The following ATF3 variants were observed in gnomAD, a reference collection of about 807,000 sequenced individuals.
ATF3 encodes cyclic AMP-dependent transcription factor ATF-3.
ATF3 carries 10 observed loss-of-function variants against 18.4 expected under a neutral mutation model. The ratio of observed to expected loss-of-function variants is 0.54; its 90% CI spans 0.34 to 0.92. ATF3 has a LOEUF of 0.92. ATF3 is among the 40% of genes least tolerant of loss of function. ATF3 has a pLI of 0.02. For missense variants in ATF3, 183 were observed against 222.3 expected (o/e 0.82, Z 1.12); for synonymous variants, 78 against 87.9 (o/e 0.89, Z 0.63).
At chr1:212,586,714 C>T (rs1664785453) in intron 1 of ATF3, among the ~76,000 whole-genome samples, 1 of 152,194 alleles carries the variant, frequency 6.6e-6, no homozygotes, top group Non-Finnish European at 1.5e-5. Context: ...AGAAAATAAA[C>T]ATGTGAAGTG....
At chr1:212,566,330 C>A (rs747437872) in intron 1 of ATF3, among the ~76,000 whole-genome samples, 1 of 152,118 alleles carries the variant, frequency 6.6e-6, no homozygotes, top group Non-Finnish European at 1.5e-5. Flanking sequence ...AGAAAGGGCA[C>A]AAGTTTGAGT....
intron 1 of ATF3, among the ~76,000 whole-genome samples, chr1:212,592,594 T>G (rs940345176): frequency 9.9e-5 from 15 of 152,042 alleles, no homozygotes; most frequent in Non-Finnish European, 1.9e-4. Flanking sequence ...CCTGTAGAAT[T>G]TCCCTCATTC....
rs190597842 is a variant in ATF3, at chr1:212,588,427, A to G, written c.-5+22944A>G. Among the ~76,000 whole-genome samples, 610 of 152,312 alleles carry G rather than the reference A, an allele frequency of 4.0e-3. 2 individuals are homozygous for G. Among genetic ancestry groups the G allele is most frequent in the Non-Finnish European group, 6.4e-3 (435 of 68,018 alleles). On this transcript the variant is annotated intron_variant, in intron 1 of 3. Transcript: ENST00000366981. Reference sequence around the variant, plus strand: ...CACCCTAGGGTGTCACCACCGGGACACAAAATTCATTTCACACAAAGAGCT... The same window carrying G: ...CACCCTAGGGTGTCACCACCGGGACGCAAAATTCATTTCACACAAAGAGCT...
Position 212,615,266 on chromosome 1 carries a change from G to T in ATF3, c.240+5G>T. ...GTGTCCATCACAAAAGCCGAGGTGG[G>T]TTCTATCACAGGTATTCATTCTTTC... On this transcript the variant is annotated splice_donor_5th_base_variant and intron_variant, in intron 2 of 3. Coordinates refer to ENST00000341491, the MANE Select transcript of ATF3 (RefSeq NM_001674.4). The T allele has an allele frequency of 6.2e-7, 1 of 1,608,562 alleles. No individual in the cohort carries two copies. Among genetic ancestry groups the T allele is most frequent in the Non-Finnish European group, 8.5e-7 (1 of 1,179,568 alleles).
At chr1:212,577,085 T>C (rs1489748517) in intron 1 of ATF3, among the ~76,000 whole-genome samples, 1 of 152,154 alleles carries the variant, frequency 6.6e-6, no homozygotes, top group Non-Finnish European at 1.5e-5. Flanking sequence ...GTTGGTAAAC[T>C]CTCTTCATCG....
chr1:212,579,373 C>G (rs1390424597), intron 1 of ATF3, among the ~76,000 whole-genome samples: 1 of 152,174 alleles, frequency 6.6e-6, no homozygotes, highest in Non-Finnish European at 1.5e-5. Context: ...CCTTCCCCAT[C>G]ATAAAACTCT....
intron 1 of ATF3, among the ~76,000 whole-genome samples, chr1:212,586,564 C>G (rs1664783499): frequency 6.6e-6 from 1 of 152,160 alleles, no homozygotes; most frequent in Non-Finnish European, 1.5e-5. Flanking sequence ...AATAATATTC[C>G]TGCCCTGAAT....
chr1:212,596,117 G>T (rs1664989550), intron 1 of ATF3, among the ~76,000 whole-genome samples: 2 of 152,122 alleles, frequency 1.3e-5, no homozygotes, highest in Admixed American at 1.3e-4. Flanking sequence ...TTCCTTCAAT[G>T]AATTAATAAA....
intron 1 of ATF3, among the ~76,000 whole-genome samples, chr1:212,599,674 C>T (rs1471494627): frequency 6.6e-6 from 1 of 152,160 alleles, no homozygotes; most frequent in Admixed American, 6.5e-5. Flanking sequence ...TCCCGAAATG[C>T]CCTTATTAGT....
chr1:212,569,115 C>T (rs192172671), intron 1 of ATF3, among the ~76,000 whole-genome samples: 32 of 152,242 alleles, frequency 2.1e-4, no homozygotes, highest in South Asian at 4.1e-4. Flanking sequence ...CCCCTGGCAC[C>T]CTTTTCTTTA....
chr1:212,593,749 A>T (rs1164426121), intron 1 of ATF3, among the ~76,000 whole-genome samples: 3 of 80,272 alleles, frequency 3.7e-5, no homozygotes, highest in South Asian at 5.3e-4. Flanking sequence ...TCTTTAAAAA[A>T]AAAAAAAAAA....
At chr1:212,605,656 C>G (rs1654603702), upstream of ATF3, among the ~76,000 whole-genome samples, 1 of 152,230 alleles carries the variant, frequency 6.6e-6, no homozygotes, top group Non-Finnish European at 1.5e-5. Context: ...GTTTGGCTCC[C>G]TGCAATGTTT....
rs562416501 is a variant in ATF3, at chr1:212,614,611, A to C, written c.-4-407A>C. Among the ~76,000 whole-genome samples the C allele has an allele frequency of 2.0e-5, 3 of 149,854 alleles. No individual in the cohort carries two copies. In the South Asian group the frequency reaches 6.4e-4, roughly 32 times the overall value. On this transcript the variant is annotated intron_variant, in intron 1 of 3. Coordinates refer to ENST00000341491, the MANE Select transcript of ATF3 (RefSeq NM_001674.4). ...TATACAAAAAAAAAAAAAGAGAGAG[A>C]GAGAGAAAGAAAAAGAAGCTGAAAA...
At position 212,578,765 on chromosome 1, in the gene ATF3, C is replaced by T. The variant is rs1051275436; in HGVS notation, c.-5+13282C>T. 3.3e-5 allele frequency among the ~76,000 whole-genome samples: 5 copies of T among 152,110 alleles called. No individual in the cohort carries two copies. The East Asian group carries it at 9.6e-4, about 29-fold the overall frequency. On this transcript the variant is annotated intron_variant, in intron 1 of 3. Transcript: ENST00000366981. ...TGTTTGGTTTTCTGTCTTTTTCTCC[C>T]TCACTCGGTGCTCATCCCTCCTTCT...
intron 1 of ATF3, among the ~76,000 whole-genome samples, chr1:212,593,437 TAA>T (rs538588708): frequency 6.9e-6 from 1 of 144,476 alleles, no homozygotes; most frequent in African/African-American, 2.5e-5. Context: ...ACTTAAAGTA[TAA>T]AAAAAAAAAG....
rs1198668083 is a variant in ATF3 at position 212,619,619 on chromosome 1, T to C, written c.*64T>C. The C allele has an allele frequency of 1.3e-6, 2 of 1,583,968 alleles. No homozygotes were observed. The highest frequency in any genetic ancestry group is 1.7e-6 in the Non-Finnish European group (2 of 1,163,244). On this transcript the variant is annotated 3_prime_UTR_variant, in exon 4 of 4. Transcript: ENST00000341491. This position sits in a 1 kb window ranked among gnomAD's most constrained non-coding sequence, Gnocchi z 4.4. Reference sequence around the variant, plus strand: ...AATCCTCATTTTATACCCAAAACCCTGAAGCCATTGGAGAGCTGTCTTCCT... The same window carrying C: ...AATCCTCATTTTATACCCAAAACCCCGAAGCCATTGGAGAGCTGTCTTCCT...
chr1:212,618,885 C>A lies in ATF3; in HGVS notation c.349-473C>A. 1.1e-6 allele frequency: 1 copy of A among 885,914 alleles called. No individual in the cohort carries two copies. Among genetic ancestry groups the A allele is most frequent in the Non-Finnish European group, 1.8e-6 (1 of 560,410 alleles). 54.9% of individuals were successfully genotyped at this position (885,914 alleles called of 1,614,324 possible). Reference sequence around the variant, plus strand: ...GCCATGACAGAGTCTTAGCCCAAGTCCCACAGATCCCCAAAAGTTCTGTTG... The same window carrying A: ...GCCATGACAGAGTCTTAGCCCAAGTACCACAGATCCCCAAAAGTTCTGTTG... On this transcript the variant is annotated intron_variant, in intron 3 of 3. Transcript: ENST00000341491. This position sits in a 1 kb window ranked among gnomAD's most constrained non-coding sequence, Gnocchi z 4.4.
At chr1:212,580,158 A>G (rs1335783501) in intron 1 of ATF3, among the ~76,000 whole-genome samples, 2 of 151,648 alleles carry the variant, frequency 1.3e-5, no homozygotes, top group East Asian at 3.9e-4. Flanking sequence ...CTCCGTCTCA[A>G]AAAAAAAGAA....
chr1:212,613,172 T>C (rs181188794), intron 1 of ATF3, among the ~76,000 whole-genome samples: 63 of 152,304 alleles, frequency 4.1e-4, no homozygotes, highest in African/African-American at 1.4e-3. Context: ...GCAAGCAGCC[T>C]GGGTATGCAC....
Sources: allele counts gnomAD v4.1 joint callset (sites outside exome capture counted in the v4.1 genomes callset), GRCh38; gene constraint gnomAD v4.1.1; non-coding constraint Gnocchi (gnomAD v3.1); transcripts MANE v1.5; gene names NCBI Gene and HGNC (gene_info 2026-07-23, HGNC 2026-07-21).